Variants in KSR2 observed in about 807,000 individuals in gnomAD.
KSR2 encodes kinase suppressor of ras 2.
In KSR2, 25 loss-of-function variants were observed where a neutral mutation model predicts 107.8. The ratio of observed to expected loss-of-function variants is 0.23; its 90% CI spans 0.17 to 0.32. The LOEUF is 0.32. Ranked by LOEUF, KSR2 falls within the 10% of genes least tolerant of loss-of-function variation. The pLI, the probability that KSR2 is intolerant of heterozygous loss-of-function variation, is 1.00. For missense variants in KSR2, 887 were observed against 1,268.9 expected (o/e 0.70, Z 4.57); for synonymous variants, 480 against 507.0 (o/e 0.95, Z 0.71).
intron 3 of KSR2, among the ~76,000 whole-genome samples, chr12:117,827,635 C>T (rs1566035184): frequency 1.3e-5 from 2 of 152,156 alleles, no homozygotes; most frequent in African/African-American, 4.8e-5. Context: ...ATGTTGGCTG[C>T]TGCTATTGAT....
chr12:117,739,127 G>A (rs1233604195), intron 4 of KSR2, among the ~76,000 whole-genome samples: 1 of 152,196 alleles, frequency 6.6e-6, no homozygotes, highest in Non-Finnish European at 1.5e-5. Flanking sequence ...AGGCCAAGGT[G>A]GGCAGATCAC....
chr12:117,857,921 G>GC (rs1893153381), intron 2 of KSR2, among the ~76,000 whole-genome samples: 4 of 152,128 alleles, frequency 2.6e-5, no homozygotes, highest in Admixed American at 2.6e-4. Flanking sequence ...GTCTTCTCCC[G>GC]CCCACTCCCT....
At chr12:117,902,327 G>A (rs115056944) in intron 1 of KSR2, among the ~76,000 whole-genome samples, 1,838 of 151,788 alleles carry the variant, frequency 0.012, 35 homozygotes, top group African/African-American at 0.041. Flanking sequence ...GCGTGGTGGC[G>A]CGTGTCAATA....
At position 117,463,925 on chromosome 12, in the gene KSR2, C is replaced by G. The variant is rs917797627; in HGVS notation, c.*3274G>C. The G allele has an allele frequency of 6.6e-6, 1 of 152,108 alleles. No homozygotes were observed. The highest frequency in any genetic ancestry group is 2.4e-5 in the African/African-American group (1 of 41,348). 9.4% of individuals were successfully genotyped at this position (152,108 alleles called of 1,614,324 possible). ...AGTGGTCAATATCAGTCAAGGGCTTCTATTGACTGACAATCCAAGGTAGCT... is the reference window on the plus strand; with the variant it reads ...AGTGGTCAATATCAGTCAAGGGCTTGTATTGACTGACAATCCAAGGTAGCT... On this transcript the variant is annotated 3_prime_UTR_variant, in exon 20 of 20. Coordinates refer to ENST00000339824, the MANE Select transcript of KSR2 (RefSeq NM_173598.6).
Position 117,465,255 on chromosome 12 carries a change from A to G in KSR2, c.*1944T>C, listed in dbSNP as rs1871089867. ...CCATTGACAAGAGCCATCCCCAGCA[A>G]CCCCAGAGTGGCTGGGGCTCAGGCA... On this transcript the variant is annotated 3_prime_UTR_variant, in exon 20 of 20. Coordinates refer to ENST00000339824, the MANE Select transcript of KSR2 (RefSeq NM_173598.6). 6.6e-6 allele frequency: 1 copy of G among 151,920 alleles called. No individual in the cohort carries two copies. 9.4% of individuals were successfully genotyped at this position (151,920 alleles called of 1,614,324 possible).
intron 3 of KSR2, among the ~76,000 whole-genome samples, chr12:117,846,993 C>T (rs1228118680): frequency 2.6e-5 from 4 of 152,346 alleles, no homozygotes; most frequent in East Asian, 1.9e-4. Flanking sequence ...CGCCTAAGCG[C>T]GTTCGCATCA....
chr12:117,469,565 G>T, intron 19 of KSR2, 97 bp downstream of exon 19: 1 of 1,417,718 alleles, frequency 7.1e-7, no homozygotes, highest in Non-Finnish European at 9.7e-7. Flanking sequence ...ATAGGAGCTT[G>T]TTGGGGGAGG....
chr12:117,587,940 T>A (rs180924008), intron 5 of KSR2, among the ~76,000 whole-genome samples: 1 of 152,234 alleles, frequency 6.6e-6, no homozygotes, highest in East Asian at 1.9e-4. Flanking sequence ...CGCCTCCCTA[T>A]CCCTGCATCA....
intron 1 of KSR2, among the ~76,000 whole-genome samples, chr12:117,888,318 T>TATA (rs1894239317): frequency 6.6e-6 from 1 of 152,090 alleles, no homozygotes; most frequent in Non-Finnish European, 1.5e-5. Flanking sequence ...CCACCATATA[T>TATA]CAAAAGTATG....
chr12:117,531,655 A>G lies in KSR2; in HGVS notation c.1729+11T>C, dbSNP rs1218451262. 1.9e-6 allele frequency: 3 copies of G among 1,603,650 alleles called. No individual in the cohort carries two copies. The South Asian group carries it at 3.4e-5, about 18-fold the overall frequency. On this transcript the variant is annotated intron_variant, in intron 11 of 19. Coordinates refer to ENST00000339824, the MANE Select transcript of KSR2 (RefSeq NM_173598.6). ...TCAGAAGGGGCTGCTTCCAGCTCACATGAAACTCACCTGGGAAGATGAACT... is the reference window on the plus strand; with the variant it reads ...TCAGAAGGGGCTGCTTCCAGCTCACGTGAAACTCACCTGGGAAGATGAACT...
chr12:117,778,883 C>A (rs1161208682), intron 3 of KSR2, among the ~76,000 whole-genome samples: 1 of 152,196 alleles, frequency 6.6e-6, no homozygotes, highest in Non-Finnish European at 1.5e-5. Flanking sequence ...AGTTTTATAA[C>A]CTCTTGTGTT....
Position 117,694,673 on chromosome 12 carries a change from T to A in KSR2, c.987-27015A>T, listed in dbSNP as rs375906557. Among the ~76,000 whole-genome samples, 8 of 152,168 alleles carry A rather than the reference T, an allele frequency of 5.3e-5. No individual in the cohort carries two copies. The East Asian group carries it at 1.2e-3, about 22-fold the overall frequency. ...AGCCAACAAATGGAAGCAACCCAAG[T>A]GTTCACTGACAGATGAATGGATGAA... On this transcript the variant is annotated intron_variant, in intron 4 of 19. Coordinates refer to ENST00000339824, the MANE Select transcript of KSR2 (RefSeq NM_173598.6).
chr12:117,495,862 T>C (rs1047501880), intron 14 of KSR2, among the ~76,000 whole-genome samples: 3 of 152,156 alleles, frequency 2.0e-5, no homozygotes, highest in African/African-American at 4.8e-5. Context: ...GAGACCATCC[T>C]GGCCAACATG....
intron 3 of KSR2, among the ~76,000 whole-genome samples, chr12:117,853,686 T>A (rs947048175): frequency 1.3e-5 from 2 of 152,052 alleles, no homozygotes; most frequent in Non-Finnish European, 2.9e-5. Context: ...TGCTTCTCAC[T>A]GTGGGTAAAG....
At position 117,582,489 on chromosome 12, in the gene KSR2, A is replaced by G. The variant is rs188069592; in HGVS notation, c.1172-130T>C. 1,903 of 698,318 alleles carry G rather than the reference A, an allele frequency of 2.7e-3. 4 individuals carry two copies. Among genetic ancestry groups the G allele is most frequent in the Non-Finnish European group, 4.2e-3 (1,666 of 393,766 alleles). The allele number at this position is 698,318 out of a possible 1,614,324, so 43.3% of individuals were successfully genotyped here. On this transcript the variant is annotated intron_variant, in intron 5 of 19. Transcript: ENST00000339824. ...ACCAGTTGCCATCACTTGCTAAACCAAAGCCAAGTGGAACACTGGTTTAGC... is the reference window on the plus strand; with the variant it reads ...ACCAGTTGCCATCACTTGCTAAACCGAAGCCAAGTGGAACACTGGTTTAGC...
chr12:117,584,460 T>C (rs1266606180), intron 5 of KSR2, among the ~76,000 whole-genome samples: 5 of 152,160 alleles, frequency 3.3e-5, no homozygotes, highest in African/African-American at 1.2e-4. Context: ...TCTACAAAAC[T>C]AGGAGTGCTA....
chr12:117,715,331 T>C (rs757047130), intron 4 of KSR2, among the ~76,000 whole-genome samples: 3 of 152,110 alleles, frequency 2.0e-5, no homozygotes, highest in African/African-American at 7.2e-5. Flanking sequence ...GCAGCCCCCA[T>C]GAAAATAAAA....
chr12:117,573,936 G>T (rs551145444), intron 7 of KSR2, among the ~76,000 whole-genome samples: 1 of 152,126 alleles, frequency 6.6e-6, no homozygotes, highest in Non-Finnish European at 1.5e-5. Context: ...AAGCTAAAGC[G>T]TGTAAGAACA....
chr12:117,486,529 G>A (rs922664839), intron 14 of KSR2, among the ~76,000 whole-genome samples: 4 of 152,240 alleles, frequency 2.6e-5, no homozygotes, highest in East Asian at 1.9e-4. Context: ...AAGAAAGAAC[G>A]TCACTGTGAA....
Sources: gnomAD v4.1 joint callset for allele counts (sites outside exome capture counted in the v4.1 genomes callset) on GRCh38, gnomAD v4.1.1 for gene constraint, MANE v1.5 for transcripts, NCBI Gene and HGNC (gene_info 2026-07-23, HGNC 2026-07-21) for gene names.